The following ICE2 variants were observed in gnomAD, a reference collection of about 807,000 sequenced individuals.
ICE2 encodes little elongation complex subunit 2.
ICE2 carries 87 observed loss-of-function variants against 105.4 expected under a neutral mutation model. That is an observed-to-expected ratio of 0.83 (90% CI 0.69 to 0.99). ICE2 has a LOEUF of 0.99. ICE2 is among the 50% of genes least tolerant of loss of function. ICE2 has a pLI of 0.00. For synonymous variants in ICE2, 399 were observed against 392.0 expected (o/e 1.02, Z -0.21); for missense variants, 1,323 against 1,146.7 (o/e 1.15, Z -2.22).
intron 13 of ICE2, among the ~76,000 whole-genome samples, chr15:60,435,885 A>T (rs886285178): frequency 6.6e-6 from 1 of 151,908 alleles, no homozygotes; most frequent in Non-Finnish European, 1.5e-5. Flanking sequence ...AGGTGGGAGG[A>T]TCCCTTGAAC....
In ICE2 at chr15:60,419,991, C is replaced by T. The variant is rs1334343058; in HGVS notation, c.*3643G>A. On this transcript the variant is annotated 3_prime_UTR_variant, in exon 16 of 16. Coordinates refer to ENST00000261520, the MANE Select transcript of ICE2 (RefSeq NM_024611.6). ...AGATGACTGCAGCCCTAGCCAAGAGCCTGACTGCAACTTCATGAGAGACCT... is the reference window on the plus strand; with the variant it reads ...AGATGACTGCAGCCCTAGCCAAGAGTCTGACTGCAACTTCATGAGAGACCT... 1 of 152,174 alleles carries T rather than the reference C, an allele frequency of 6.6e-6. No homozygotes were observed. The allele number at this position is 152,174 out of a possible 1,614,324, so 9.4% of individuals were successfully genotyped here.
At position 60,442,406 on chromosome 15, in the gene ICE2, T is replaced by C; in HGVS notation, c.2425+10A>G. ...TTAAAAAGGAGAATAAAGACTTTTGTATAACTTACCAACATAAAATGAGCT... is the reference window on the plus strand; with the variant it reads ...TTAAAAAGGAGAATAAAGACTTTTGCATAACTTACCAACATAAAATGAGCT... On this transcript the variant is annotated intron_variant, in intron 12 of 15. Coordinates refer to ENST00000261520, the MANE Select transcript of ICE2 (RefSeq NM_024611.6). 1 of 1,577,048 alleles carries C rather than the reference T, an allele frequency of 6.3e-7. No homozygotes were observed. Among genetic ancestry groups the C allele is most frequent in the Middle Eastern group, 2.3e-4 (1 of 4,360 alleles).
At chr15:60,471,810 G>A (rs1182769883) in intron 3 of ICE2, among the ~76,000 whole-genome samples, 1 of 151,730 alleles carries the variant, frequency 6.6e-6, no homozygotes, top group Non-Finnish European at 1.5e-5. Flanking sequence ...AAACAAACAG[G>A]GTAGAATCCA....
intron 3 of ICE2, among the ~76,000 whole-genome samples, chr15:60,475,516 A>G (rs1303224300): frequency 2.0e-5 from 3 of 152,208 alleles, no homozygotes; most frequent in Non-Finnish European, 2.9e-5. Flanking sequence ...AGTTAAATGA[A>G]TTAAAAGTAC....
Position 60,428,624 on chromosome 15 carries a change from C to T in ICE2, c.2625G>A (p.Lys875=), listed in dbSNP as rs1387119643. Residue 875 remains lysine (K), a synonymous_variant, in exon 15 of 16, where the codon AAG becomes AAA. Coordinates refer to ENST00000261520, the MANE Select transcript of ICE2 (RefSeq NM_024611.6). ...AAEDSSLLIY[K]ASDGKVTRTA... ...TCCTAGTAACTTTTCCATCAGAGGCCTTATAAATCAGGAGTGAAGAATCTT... is the reference window on the plus strand; with the variant it reads ...TCCTAGTAACTTTTCCATCAGAGGCTTTATAAATCAGGAGTGAAGAATCTT... 1.9e-6 allele frequency: 3 copies of T among 1,614,046 alleles called. No individual in the cohort carries two copies. Among genetic ancestry groups the T allele is most frequent in the Non-Finnish European group, 2.5e-6 (3 of 1,179,986 alleles).
intron 3 of ICE2, among the ~76,000 whole-genome samples, chr15:60,469,211 A>G (rs1054276086): frequency 4.6e-5 from 7 of 152,194 alleles, no homozygotes; most frequent in Admixed American, 2.0e-4. Context: ...AAAACCAAAC[A>G]CCACATGTTC....
intron 14 of ICE2, among the ~76,000 whole-genome samples, chr15:60,431,599 C>G (rs928494608): frequency 6.6e-6 from 1 of 152,086 alleles, no homozygotes; most frequent in African/African-American, 2.4e-5. Context: ...TTGACTTTTA[C>G]CCGGTAAAAC....
At chr15:60,464,530 C>T (rs74020705) in intron 5 of ICE2, among the ~76,000 whole-genome samples, 337 of 152,202 alleles carry the variant, frequency 2.2e-3, no homozygotes, top group African/African-American at 6.7e-3. Flanking sequence ...CACTACTACA[C>T]GCAGAAATCC....
chr15:60,459,553 C>A (rs746516550), intron 5 of ICE2, among the ~76,000 whole-genome samples: 1 of 152,056 alleles, frequency 6.6e-6, no homozygotes, highest in Non-Finnish European at 1.5e-5. Context: ...GAAAGAATCT[C>A]AGAATGTAGG....
chr15:60,430,675 G>T (rs1595742112), intron 14 of ICE2, among the ~76,000 whole-genome samples: 2 of 152,272 alleles, frequency 1.3e-5, no homozygotes, highest in South Asian at 4.1e-4. Flanking sequence ...TAAGGAAAAT[G>T]ACATCAAGTT....
chr15:60,444,967 G>T (rs900891012), intron 11 of ICE2, among the ~76,000 whole-genome samples: 1 of 152,130 alleles, frequency 6.6e-6, no homozygotes, highest in Non-Finnish European at 1.5e-5. Flanking sequence ...TTACAGGCGT[G>T]AGCCACCGTG....
At chr15:60,454,907 C>T in intron 8 of ICE2, 96 bp downstream of exon 8, 1 of 1,121,108 alleles carries the variant, frequency 8.9e-7, no homozygotes, top group Non-Finnish European at 1.2e-6. Context: ...TCTCTGGGTC[C>T]ATGTGTTCTC....
chr15:60,436,333 TGAA>T (rs1163007324), intron 12 of ICE2, 106 bp from the exon 13 acceptor site: 3 of 449,030 alleles, frequency 6.7e-6, no homozygotes, highest in African/African-American at 2.0e-5. Flanking sequence ...TTAATAACTG[TGAA>T]GAAATTTTAC....
chr15:60,459,753 G>C (rs1194404393), intron 5 of ICE2, among the ~76,000 whole-genome samples: 5 of 152,148 alleles, frequency 3.3e-5, no homozygotes, highest in Admixed American at 2.6e-4. Context: ...TGGGAGGCTA[G>C]TTGATATTGA....
intron 15 of ICE2, among the ~76,000 whole-genome samples, chr15:60,425,435 A>G (rs2063320169): frequency 6.6e-6 from 1 of 152,230 alleles, no homozygotes; most frequent in African/African-American, 2.4e-5. Context: ...GAATGTGTAA[A>G]ATAAATGTTT....
intron 5 of ICE2, among the ~76,000 whole-genome samples, chr15:60,463,098 T>C (rs1180116293): frequency 1.3e-5 from 2 of 152,208 alleles, no homozygotes; most frequent in Non-Finnish European, 2.9e-5. Context: ...ATATAAGTAT[T>C]GTGAGCATAT....
At chr15:60,436,033 A>C in intron 13 of ICE2, 110 bp downstream of exon 13, 1 of 508,978 alleles carries the variant, frequency 2.0e-6, no homozygotes, top group Non-Finnish European at 3.5e-6. Context: ...CTCTATACAT[A>C]AAAAGACTAA....
At chr15:60,437,983 A>C in intron 12 of ICE2, 1 of 152,114 alleles carries the variant, frequency 6.6e-6, no homozygotes, top group East Asian at 1.9e-4. Context: ...TTTTTTCACA[A>C]ACACAATATG....
chr15:60,446,696 A>T (rs2063830084), intron 11 of ICE2, among the ~76,000 whole-genome samples: 1 of 152,054 alleles, frequency 6.6e-6, no homozygotes, highest in Non-Finnish European at 1.5e-5. Context: ...CACCTGGCCC[A>T]GTTATTCTTT....
Sources: gnomAD v4.1 joint callset for allele counts (sites outside exome capture counted in the v4.1 genomes callset) on GRCh38, gnomAD v4.1.1 for gene constraint, MANE v1.5 for transcripts, NCBI Gene and HGNC (gene_info 2026-07-23, HGNC 2026-07-21) for gene names.